Variants in PTPRN2 observed in about 807,000 individuals in gnomAD.
PTPRN2 encodes receptor-type tyrosine-protein phosphatase N2.
PTPRN2 carries 74 observed loss-of-function variants against 118.8 expected under a neutral mutation model. The observed-to-expected ratio is 0.62, with a 90% CI of 0.52 to 0.76. The LOEUF (loss-of-function observed/expected upper bound fraction) is 0.76, where lower values mean the gene tolerates loss of function less well. Among genes scored for constraint, PTPRN2 ranks in the 30% least tolerant of loss-of-function variants. PTPRN2 has a pLI of 0.00. For missense variants in PTPRN2, 1,481 were observed against 1,394.4 expected (o/e 1.06, Z -0.99); for synonymous variants, 641 against 608.0 (o/e 1.05, Z -0.80).
At chr7:157,602,464 G>A (rs981246541) in intron 16 of PTPRN2, among the ~76,000 whole-genome samples, 8 of 151,876 alleles carry the variant, frequency 5.3e-5, no homozygotes, top group South Asian at 2.1e-4. Context: ...CAGCAGAGCC[G>A]AGAGCTGAGC....
intron 2 of PTPRN2, among the ~76,000 whole-genome samples, chr7:158,330,132 G>A (rs566084249): frequency 3.7e-3 from 375 of 101,860 alleles, no homozygotes; most frequent in African/African-American, 0.013. Context: ...GCTGACACCC[G>A]CAGACGTCAC....
At chr7:157,693,432 C>A (rs567515538) in intron 12 of PTPRN2, among the ~76,000 whole-genome samples, 1 of 152,242 alleles carries the variant, frequency 6.6e-6, no homozygotes, top group African/African-American at 2.4e-5. Flanking sequence ...ACGGGGTAGG[C>A]TCGGGGAACG....
In PTPRN2 at chr7:158,268,653, C is replaced by T. The variant is rs540360754; in HGVS notation, c.277+48166G>A. On this transcript the variant is annotated intron_variant, in intron 3 of 22. Transcript: ENST00000389418. ...ATATCCCAGCCGCACACACACAGGGCGGGTGTGAAATATCCCAGCCGTGTG... is the reference window on the plus strand; with the variant it reads ...ATATCCCAGCCGCACACACACAGGGTGGGTGTGAAATATCCCAGCCGTGTG... Among the ~76,000 whole-genome samples, 55 of 114,416 alleles carry T rather than the reference C, an allele frequency of 4.8e-4. 1 individual carries two copies. The highest frequency in any genetic ancestry group is 8.5e-4 in the Non-Finnish European group (49 of 57,472). The allele number at this position is 114,416 out of a possible 152,430, so 75.1% of individuals were successfully genotyped here.
At chr7:157,687,425 T>G (rs1320750956) in intron 12 of PTPRN2, among the ~76,000 whole-genome samples, 1 of 152,202 alleles carries the variant, frequency 6.6e-6, no homozygotes, top group Non-Finnish European at 1.5e-5. Flanking sequence ...CGATGTGCAG[T>G]ATTAAAATAT....
chr7:158,010,739 T>TA (rs1805983950), intron 11 of PTPRN2, among the ~76,000 whole-genome samples: 18 of 152,218 alleles, frequency 1.2e-4, no homozygotes, highest in Admixed American at 1.2e-3. Flanking sequence ...AGTCTATTTT[T>TA]TAAAAAAGTA....
intron 3 of PTPRN2, among the ~76,000 whole-genome samples, chr7:158,308,751 T>C (rs1418760587): frequency 6.6e-6 from 1 of 152,072 alleles, no homozygotes; most frequent in Non-Finnish European, 1.5e-5. Context: ...TAGCAAACAC[T>C]AAGAAAGCAA....
At chr7:158,132,106 A>G (rs1208175351) in intron 9 of PTPRN2, among the ~76,000 whole-genome samples, 1 of 142,026 alleles carries the variant, frequency 7.0e-6, no homozygotes, top group Admixed American at 7.3e-5. Context: ...ATATGCACAG[A>G]TACACACACC....
chr7:157,929,181 C>T lies in PTPRN2; in HGVS notation c.1724-30444G>A, dbSNP rs905472544. On this transcript the variant is annotated intron_variant, in intron 11 of 22. Coordinates refer to ENST00000389418, the MANE Select transcript of PTPRN2 (RefSeq NM_002847.5). This position sits in a 1 kb window ranked among gnomAD's most constrained non-coding sequence, Gnocchi z 4.4. ...TCAGCCAGCTGGTCAACACATGCTG[C>T]GTTAGCAAATGCTGAAGGCAGGGTC... 2.0e-5 allele frequency among the ~76,000 whole-genome samples: 3 copies of T among 152,166 alleles called. No homozygotes were observed. Among genetic ancestry groups the T allele is most frequent in the Non-Finnish European group, 4.4e-5 (3 of 68,018 alleles).
chr7:158,293,037 C>T (rs188411371), intron 3 of PTPRN2, among the ~76,000 whole-genome samples: 224 of 152,162 alleles, frequency 1.5e-3, no homozygotes, highest in Middle Eastern at 3.4e-3. Flanking sequence ...CACTGCACTC[C>T]AGCCTGGGCA....
At chr7:158,253,215 G>A (rs1796799170) in intron 3 of PTPRN2, among the ~76,000 whole-genome samples, 1 of 152,226 alleles carries the variant, frequency 6.6e-6, no homozygotes, top group Non-Finnish European at 1.5e-5. Context: ...TCATTTTCCA[G>A]GCGACTGAGC....
At chr7:158,443,338 G>A (rs929774894) in intron 2 of PTPRN2, among the ~76,000 whole-genome samples, 7 of 152,238 alleles carry the variant, frequency 4.6e-5, no homozygotes, top group East Asian at 1.9e-4. Context: ...CTGAGTTGCC[G>A]GAAATCCAAG....
At chr7:158,533,565 A>T (rs886907031) in intron 1 of PTPRN2, among the ~76,000 whole-genome samples, 2 of 152,178 alleles carry the variant, frequency 1.3e-5, no homozygotes, top group African/African-American at 4.8e-5. Context: ...CCTGCAACAC[A>T]CGAGGAGTCC....
intron 1 of PTPRN2, among the ~76,000 whole-genome samples, chr7:158,519,765 A>G (rs1823846945): frequency 6.6e-6 from 1 of 152,198 alleles, no homozygotes; most frequent in African/African-American, 2.4e-5. Context: ...GCCAAGGGAA[A>G]GAAGTGACTC....
intron 5 of PTPRN2, among the ~76,000 whole-genome samples, chr7:158,190,745 T>C (rs952933831): frequency 1.3e-5 from 2 of 152,270 alleles, no homozygotes; most frequent in African/African-American, 4.8e-5. Flanking sequence ...CTCTCAACTG[T>C]GGCCTGTGGG....
At chr7:158,136,399 T>G (rs1818813107) in intron 8 of PTPRN2, among the ~76,000 whole-genome samples, 1 of 152,160 alleles carries the variant, frequency 6.6e-6, no homozygotes, top group Non-Finnish European at 1.5e-5. Context: ...ATTTTCTTCT[T>G]TGCATTTACC....
intron 12 of PTPRN2, among the ~76,000 whole-genome samples, chr7:157,836,167 A>G (rs1807917983): frequency 1.3e-5 from 2 of 152,242 alleles, no homozygotes; most frequent in Admixed American, 1.3e-4. Context: ...AAAAACTATA[A>G]ATTAAACCAA....
At chr7:158,157,178 C>G (rs1337226996) in intron 6 of PTPRN2, among the ~76,000 whole-genome samples, 1 of 152,206 alleles carries the variant, frequency 6.6e-6, no homozygotes, top group African/African-American at 2.4e-5. Context: ...AGAGAGCACC[C>G]CTGTTCCATG....
chr7:158,109,521 C>G (rs1308359058), intron 10 of PTPRN2, among the ~76,000 whole-genome samples: 2 of 150,344 alleles, frequency 1.3e-5, no homozygotes, highest in Admixed American at 1.3e-4. Flanking sequence ...GACGTCAACC[C>G]TGTGTGAAGG....
Position 158,517,716 on chromosome 7 carries a change from C to T in PTPRN2, c.113-27931G>A, listed in dbSNP as rs1823674574. Among the ~76,000 whole-genome samples, 1 of 152,056 alleles carries T rather than the reference C, an allele frequency of 6.6e-6. No homozygotes were observed. The highest frequency in any genetic ancestry group is 2.4e-5 in the African/African-American group (1 of 41,396). On this transcript the variant is annotated intron_variant, in intron 1 of 22. Coordinates refer to ENST00000389418, the MANE Select transcript of PTPRN2 (RefSeq NM_002847.5). The surrounding 1 kb of genome is among the most constrained non-coding windows in gnomAD (Gnocchi z 5.3). ...TCCCCACCATAGCCAGGCAGGCCTCCAGGCGCTTCCAGACTCATCCCCACC... is the reference window on the plus strand; with the variant it reads ...TCCCCACCATAGCCAGGCAGGCCTCTAGGCGCTTCCAGACTCATCCCCACC...
Sources: allele counts gnomAD v4.1 joint callset (sites outside exome capture counted in the v4.1 genomes callset), GRCh38; gene constraint gnomAD v4.1.1; non-coding constraint Gnocchi (gnomAD v3.1); transcripts MANE v1.5; gene names NCBI Gene and HGNC (gene_info 2026-07-23, HGNC 2026-07-21).